The following MAP3K1 variants were observed in gnomAD, a reference collection of about 807,000 sequenced individuals.
The protein encoded by MAP3K1 is mitogen-activated protein kinase kinase kinase 1, also known as MAP/ERK kinase kinase 1.
Under a neutral mutation model 144.2 loss-of-function variants are expected in MAP3K1, and 36 were observed. That is an observed-to-expected ratio of 0.25 (90% CI 0.19 to 0.33). MAP3K1 has a LOEUF of 0.33. MAP3K1 is among the 10% of genes least tolerant of loss of function. The pLI is 1.00. For synonymous variants in MAP3K1, 718 were observed against 688.7 expected (o/e 1.04, Z -0.67); for missense variants, 1,650 against 1,881.9 (o/e 0.88, Z 2.28).
intron 7 of MAP3K1, 68 bp from the exon 8 acceptor site, chr5:56,872,573 C>T: frequency 5.6e-6 from 5 of 894,452 alleles, no homozygotes; most frequent in South Asian, 1.4e-5. Context: ...TAATTATAAA[C>T]AGTTATGAAA....
At chr5:56,830,639 A>C (rs759819427) in intron 1 of MAP3K1, among the ~76,000 whole-genome samples, 6 of 152,168 alleles carry the variant, frequency 3.9e-5, no homozygotes, top group Non-Finnish European at 5.9e-5. Flanking sequence ...TCATTTATTG[A>C]GCATTGATAG....
At chr5:56,835,497 C>G (rs1208813442) in intron 1 of MAP3K1, among the ~76,000 whole-genome samples, 1 of 151,826 alleles carries the variant, frequency 6.6e-6, no homozygotes, top group Non-Finnish European at 1.5e-5. Context: ...TCCAAGGAGC[C>G]AGTGGTCCGC....
chr5:56,824,420 AG>A (rs1746247939), intron 1 of MAP3K1, among the ~76,000 whole-genome samples: 1 of 152,352 alleles, frequency 6.6e-6, no homozygotes, highest in Admixed American at 6.5e-5. Flanking sequence ...TGCAGCAATT[AG>A]AAGCAGCCAG....
intron 2 of MAP3K1, among the ~76,000 whole-genome samples, chr5:56,859,199 A>AACACACAC (rs113617625): frequency 6.6e-6 from 1 of 151,252 alleles, no homozygotes; most frequent in Non-Finnish European, 1.5e-5. Context: ...ATTGTAAAGA[A>AACACACAC]ACACACACAC....
intron 1 of MAP3K1, among the ~76,000 whole-genome samples, chr5:56,816,701 A>G (rs1165787431): frequency 6.6e-6 from 1 of 152,160 alleles, no homozygotes; most frequent in East Asian, 2.0e-4. Context: ...ACGGCTCGGT[A>G]ACGCCTGTCA....
chr5:56,856,577 A>G (rs750192618), intron 1 of MAP3K1, 23 bp from the exon 2 acceptor site: 3 of 1,595,632 alleles, frequency 1.9e-6, no homozygotes, highest in Non-Finnish European at 1.7e-6. Flanking sequence ...TTCTCATTTT[A>G]TTTGTTTCTG....
rs2111728582 is a variant in MAP3K1, at chr5:56,816,024, G to C, written c.451G>C (p.Ala151Pro). 4.1e-6 allele frequency: 5 copies of C among 1,220,242 alleles called. No homozygotes were observed. Among genetic ancestry groups the C allele is most frequent in the Non-Finnish European group, 4.1e-6 (4 of 982,440 alleles). The allele number at this position is 1,220,242 out of a possible 1,614,324, so 75.6% of individuals were successfully genotyped here. A position where few individuals can be genotyped will look rare whatever the true frequency, so the allele number is the denominator to read the frequency against. Reference protein sequence around the residue: ...AEPGEKRAPAAEPSPAAAPAG... With the variant: ...AEPGEKRAPAPEPSPAAAPAG... ...GCCCGGGGAGAAGCGGGCGCCCGCC[G>C]CCGAGCCGTCTCCTGCAGCGGCCCC... The change falls in exon 1 of 20, where the codon GCC (alanine) becomes CCC (proline). Residue 151 changes from alanine (A) to proline (P), a missense_variant. Ala to Pro is a conservative substitution (Grantham distance 27). This residue lies in a region of MAP3K1 where 360 missense variants were observed against 274.7 expected (regional missense o/e 1.31). Coordinates refer to ENST00000399503, the MANE Select transcript of MAP3K1 (RefSeq NM_005921.2).
At chr5:56,820,437 T>C (rs1746118444) in intron 1 of MAP3K1, 1 of 984,884 alleles carries the variant, frequency 1.0e-6, no homozygotes, top group South Asian at 4.7e-5. Context: ...GACCATGAGC[T>C]AGGTCTCTAC....
chr5:56,872,198 G>A (rs1157042284), intron 7 of MAP3K1, among the ~76,000 whole-genome samples, 167 bp downstream of exon 7: 1 of 152,192 alleles, frequency 6.6e-6, no homozygotes, highest in Non-Finnish European at 1.5e-5. Context: ...TGGGAATGTA[G>A]GATCTTTAGG....
chr5:56,889,641 A>G (rs1258033051), intron 19 of MAP3K1, among the ~76,000 whole-genome samples: 1 of 152,160 alleles, frequency 6.6e-6, no homozygotes, highest in Non-Finnish European at 1.5e-5. Flanking sequence ...CTTTGGAGTC[A>G]CACTGACCTA....
intron 1 of MAP3K1, among the ~76,000 whole-genome samples, chr5:56,841,482 G>A (rs916599879): frequency 6.6e-6 from 1 of 152,116 alleles, no homozygotes; most frequent in East Asian, 1.9e-4. Context: ...TAGCTACCAC[G>A]TAGATGGTGA....
At position 56,816,270 on chromosome 5, in the gene MAP3K1, G is replaced by A. The variant is rs139494739; in HGVS notation, c.482+215G>A. Among the ~76,000 whole-genome samples the A allele has an allele frequency of 6.1e-3, 930 of 152,156 alleles. 3 individuals carry two copies. Among genetic ancestry groups the A allele is most frequent in the African/African-American group, 0.021 (864 of 41,550 alleles). On this transcript the variant is annotated intron_variant, in intron 1 of 19. Transcript: ENST00000399503. ...GGACCGGACGGGGACGTGCGGAAGA[G>A]TTTGTTATTGTTTGCAGACATGTGA...
At chr5:56,893,214 A>T (rs1748600648) in intron 19 of MAP3K1, among the ~76,000 whole-genome samples, 1 of 152,214 alleles carries the variant, frequency 6.6e-6, no homozygotes, top group African/African-American at 2.4e-5. Flanking sequence ...ATATGAGGAC[A>T]GCAGAATTCA....
intron 1 of MAP3K1, among the ~76,000 whole-genome samples, chr5:56,838,432 A>G (rs1249452638): frequency 6.6e-6 from 1 of 152,262 alleles, no homozygotes; most frequent in Non-Finnish European, 1.5e-5. Context: ...CTTTTGCTAT[A>G]GTGAAAAGAA....
intron 1 of MAP3K1, chr5:56,820,501 G>A: frequency 1.0e-6 from 1 of 984,742 alleles, no homozygotes; most frequent in Non-Finnish European, 1.2e-6. Context: ...CTGTAACCTG[G>A]CCTTGTATAT....
At chr5:56,819,370 A>G (rs1295715900) in intron 1 of MAP3K1, among the ~76,000 whole-genome samples, 1 of 152,154 alleles carries the variant, frequency 6.6e-6, no homozygotes, top group Admixed American at 6.5e-5. Context: ...AGAAATGGCC[A>G]CTGACTTGTC....
intron 6 of MAP3K1, 31 bp downstream of exon 6, chr5:56,866,008 A>G: frequency 6.5e-7 from 1 of 1,532,366 alleles, no homozygotes; most frequent in Non-Finnish European, 9.0e-7. Context: ...TCAAACATTA[A>G]TCCAGTGTTA....
intron 1 of MAP3K1, among the ~76,000 whole-genome samples, chr5:56,824,800 A>T (rs554675580): frequency 6.6e-6 from 1 of 152,262 alleles, no homozygotes; most frequent in East Asian, 1.9e-4. Flanking sequence ...CTGCTTACCG[A>T]ATGTCTTATC....
chr5:56,888,548 T>C (rs781705849), intron 19 of MAP3K1, among the ~76,000 whole-genome samples, 191 bp downstream of exon 19: 1 of 152,216 alleles, frequency 6.6e-6, no homozygotes, highest in African/African-American at 2.4e-5. Context: ...ACAAATTTGG[T>C]AAAAACCATA....
Sources: gnomAD v4.1 joint callset for allele counts (sites outside exome capture counted in the v4.1 genomes callset) on GRCh38, gnomAD v4.1.1 for gene constraint, gnomAD v4.1.1 regional missense constraint, MANE v1.5 for transcripts, NCBI Gene and HGNC (gene_info 2026-07-23, HGNC 2026-07-21) for gene names.